The following SH2D3A variants were observed in gnomAD, a reference collection of about 807,000 sequenced individuals.
SH2D3A encodes SH2 domain containing 3A.
In SH2D3A, 46 loss-of-function variants were observed where a neutral mutation model predicts 50.6. The ratio of observed to expected loss-of-function variants is 0.91; its 90% confidence interval spans 0.72 to 1.16. The LOEUF (loss-of-function observed/expected upper bound fraction) is 1.16. SH2D3A is among the 50% of genes most tolerant of loss of function. SH2D3A has a pLI of 0.00. For missense variants in SH2D3A, 783 were observed against 786.2 expected (o/e 1.00, Z 0.05); for synonymous variants, 377 against 348.4 (o/e 1.08, Z -0.91).
At chr19:6,759,696 T>C (rs754003424) in intron 3 of SH2D3A, 26 bp from the exon 4 acceptor site, 45 of 1,610,092 alleles carry the variant, frequency 2.8e-5, no homozygotes, top group Non-Finnish European at 7.6e-6. Flanking sequence ...GGGAGAAACC[T>C]GTAGTCCCCA....
At chr19:6,761,368 C>T (rs59615742) in intron 2 of SH2D3A, among the ~76,000 whole-genome samples, 16,953 of 152,274 alleles carry the variant, frequency 0.11, 1,039 homozygotes, top group South Asian at 0.21. Flanking sequence ...ACAAGATGCA[C>T]TTGGCTCCCA....
At chr19:6,765,576 C>T (rs944926471) in intron 1 of SH2D3A, among the ~76,000 whole-genome samples, 3 of 151,694 alleles carry the variant, frequency 2.0e-5, no homozygotes, top group African/African-American at 7.3e-5. Context: ...AGTGAAACCC[C>T]GTCTCTACTA....
Position 6,760,564 on chromosome 19 carries a change from A to C in SH2D3A, c.419+74T>G, listed in dbSNP as rs920269370. 10 of 1,336,784 alleles carry C rather than the reference A, an allele frequency of 7.5e-6. No individual in the cohort carries two copies. In the East Asian group the frequency reaches 2.5e-4, roughly 34 times the overall value. 82.8% of individuals were successfully genotyped at this position (1,336,784 alleles called of 1,614,324 possible). On this transcript the variant is annotated intron_variant, in intron 3 of 9. Transcript: ENST00000245908. The stretch of plus-strand genomic sequence containing the variant: ...CAGAGTGAGACTCAGTCAAAAAAAA[A>C]AAAAGTCAACCATTGAGTTGGAAAA...
At position 6,752,748 on chromosome 19, in the gene SH2D3A, G is replaced by A. The variant is rs1230138096; in HGVS notation, c.1576C>T (p.Arg526Trp). 3.3e-6 allele frequency: 5 copies of A among 1,534,546 alleles called. No homozygotes were observed. The highest frequency in any genetic ancestry group is 2.5e-5 in the East Asian group (1 of 40,764). ...KVAAQRLRGF[R>W]PNPELREALT... Reference sequence around the variant, plus strand: ...GCCTCCCTCAGCTCCGGGTTAGGCCGGAATCCTGGAAGCAAGGTCAGGTGG... The same window carrying A: ...GCCTCCCTCAGCTCCGGGTTAGGCCAGAATCCTGGAAGCAAGGTCAGGTGG... Residue 526 changes from arginine (R) to tryptophan (W), a missense_variant, in exon 10 of 10, where the codon CGG becomes TGG. Arg to Trp is a moderately radical substitution (Grantham distance 101). Transcript: ENST00000245908.
At chr19:6,759,310 A>C (rs891309401) in intron 4 of SH2D3A, 5 of 302,810 alleles carry the variant, frequency 1.7e-5, no homozygotes, top group Non-Finnish European at 3.2e-5. Context: ...ATGGGGTTTC[A>C]CCATGTTGGC....
chr19:6,760,256 AT>A (rs1402340126), intron 3 of SH2D3A, among the ~76,000 whole-genome samples: 23 of 152,292 alleles, frequency 1.5e-4, no homozygotes, highest in African/African-American at 5.5e-4. Context: ...CACGCCTGTA[AT>A]CCCAGCTACT....
At chr19:6,760,062 A>T (rs956120625) in intron 3 of SH2D3A, among the ~76,000 whole-genome samples, 4 of 151,864 alleles carry the variant, frequency 2.6e-5, no homozygotes, top group African/African-American at 9.7e-5. Context: ...AACATGGTGA[A>T]ACCCTGTCTC....
intron 2 of SH2D3A, among the ~76,000 whole-genome samples, chr19:6,762,202 G>C (rs1026432213): frequency 5.9e-5 from 9 of 151,902 alleles, no homozygotes; most frequent in Non-Finnish European, 1.3e-4. Context: ...TTGTTCTTTG[G>C]GACGGAGTTT....
intron 1 of SH2D3A, chr19:6,764,429 G>A (rs1467893262): frequency 6.6e-6 from 1 of 152,060 alleles, no homozygotes; most frequent in Admixed American, 6.6e-5. Flanking sequence ...AAAAAAAATG[G>A]CTGAAGATGA....
chr19:6,753,784 G>T, intron 8 of SH2D3A, 143 bp from the exon 9 acceptor site: 1 of 992,916 alleles, frequency 1.0e-6, no homozygotes, highest in Admixed American at 3.1e-5. Context: ...CACACGCCCC[G>T]TATGGAGGGC....
chr19:6,756,837 T>C (rs1266938383), intron 4 of SH2D3A, among the ~76,000 whole-genome samples: 1 of 152,030 alleles, frequency 6.6e-6, no homozygotes, highest in African/African-American at 2.4e-5. Flanking sequence ...CACTCGTGTG[T>C]CCCTCCTTCC....
rs142596297 is a variant in SH2D3A at position 6,755,070 on chromosome 19, G to A, written c.742C>T (p.Gln248Ter). The A allele has an allele frequency of 2.0e-4, 322 of 1,613,734 alleles. 1 individual carries two copies. The highest frequency in any genetic ancestry group is 2.6e-4 in the Non-Finnish European group (306 of 1,179,974). ...GGGGCCTCTGGCTCTGGGCAGCTTT[G>A]GCTCGGGGATGTTCCCTGGACACTG... is the stretch of plus-strand genomic sequence containing the variant. ...VPSVQGTSPSQSCPEPEAPWW... is the reference protein window; with the variant it reads ...VPSVQGTSPS The change falls in exon 5 of 10, where the codon CAA becomes TAA. Residue 248 changes from glutamine (Q) to a stop codon, truncating the protein, a stop_gained. Coordinates refer to ENST00000245908, the MANE Select transcript of SH2D3A (RefSeq NM_005490.3). LOFTEE classifies it high-confidence loss of function.
intron 1 of SH2D3A, among the ~76,000 whole-genome samples, chr19:6,766,202 C>T (rs7248911): frequency 0.26 from 40,066 of 152,108 alleles, 6,087 homozygotes; most frequent in African/African-American, 0.42. Flanking sequence ...GCAATGCCTG[C>T]GCACTTCCTG....
At chr19:6,753,919 A>T in intron 8 of SH2D3A, 133 bp downstream of exon 8, 1 of 1,150,538 alleles carries the variant, frequency 8.7e-7, no homozygotes, top group African/African-American at 1.6e-5. Flanking sequence ...ACCAACCCTC[A>T]TGTGGAGGGC....
chr19:6,752,807 C>T (rs1217632463), intron 9 of SH2D3A, 54 bp from the exon 10 acceptor site: 2 of 1,460,856 alleles, frequency 1.4e-6, no homozygotes, highest in Admixed American at 5.2e-5. Context: ...CGCCTCGCCC[C>T]TCCCAACCTC....
In SH2D3A at chr19:6,760,598, G is replaced by T. The variant is rs777352905; in HGVS notation, c.419+40C>A. The T allele has an allele frequency of 4.1e-6, 6 of 1,458,552 alleles. No individual in the cohort carries two copies. In the African/African-American group the frequency reaches 7.1e-5, roughly 17 times the overall value. 90.4% of individuals were successfully genotyped at this position (1,458,552 alleles called of 1,614,324 possible). ...ACCATTGAGTTGGAAAACCCTGCGA[G>T]TGTTGGGTGTTCTCAAGGAGGCAGG... On this transcript the variant is annotated intron_variant, in intron 3 of 9. Transcript: ENST00000245908.
chr19:6,755,480 G>A (rs918169077), intron 4 of SH2D3A, among the ~76,000 whole-genome samples, 165 bp from the exon 5 acceptor site: 1 of 152,022 alleles, frequency 6.6e-6, no homozygotes, highest in Non-Finnish European at 1.5e-5. Context: ...CCACCTCGAC[G>A]GTAGAAATGC....
chr19:6,752,612 C>T lies in SH2D3A; in HGVS notation c.1712G>A (p.Arg571His), dbSNP rs866653960. Residue 571 changes from arginine (R) to histidine (H), a missense_variant, in exon 10 of 10, where the codon CGC becomes CAC. Coordinates refer to ENST00000245908, the MANE Select transcript of SH2D3A (RefSeq NM_005490.3). Reference sequence around the variant, plus strand: ...GCGCTCTCAGCGGTCAGGCTCCAGGCGCTGCGACAGGACGCCGAGGACGCG... The same window carrying T: ...GCGCTCTCAGCGGTCAGGCTCCAGGTGCTGCGACAGGACGCCGAGGACGCG... Reference protein sequence around the residue: ...FQRVLGVLSQRLEPDR With the variant: ...FQRVLGVLSQHLEPDR The T allele has an allele frequency of 1.3e-6, 2 of 1,560,462 alleles. No homozygotes were observed. The highest frequency in any genetic ancestry group is 4.7e-5 in the East Asian group (2 of 42,564).
chr19:6,766,583 G>A (rs10409437), intron 1 of SH2D3A, among the ~76,000 whole-genome samples: 33,073 of 152,164 alleles, frequency 0.22, 3,733 homozygotes, highest in African/African-American at 0.27. Flanking sequence ...GGCAGGACTC[G>A]CTTTTGACGT....
Sources: allele counts gnomAD v4.1 joint callset (sites outside exome capture counted in the v4.1 genomes callset), GRCh38; gene constraint gnomAD v4.1.1; transcripts MANE v1.5; gene names NCBI Gene and HGNC (gene_info 2026-07-23, HGNC 2026-07-21).